MACROD2: variants seen among roughly 807,000 people sequenced by gnomAD.
MACROD2 encodes ADP-ribose glycohydrolase MACROD2.
A neutral mutation model predicts 70.4 loss-of-function variants in MACROD2; 36 were observed. That is an observed-to-expected ratio of 0.51 (90% CI 0.39 to 0.68). The LOEUF is 0.68. Ranked by LOEUF, MACROD2 falls within the 30% of genes least tolerant of loss-of-function variation. MACROD2 has a pLI of 0.00. For synonymous variants in MACROD2, 172 were observed against 178.8 expected (o/e 0.96, Z 0.30); for missense variants, 496 against 538.4 (o/e 0.92, Z 0.78).
At chr20:14,088,945 A>C (rs1601208362) in intron 3 of MACROD2, among the ~76,000 whole-genome samples, 2 of 152,348 alleles carry the variant, frequency 1.3e-5, no homozygotes, top group Non-Finnish European at 2.9e-5. Context: ...GTAATTATTG[A>C]AATAAATGGT....
rs188519869 is a variant in MACROD2 at position 15,246,485 on chromosome 20, T to C, written c.540+16424T>C. On this transcript the variant is annotated intron_variant, in intron 6 of 17. Coordinates refer to ENST00000684519, the MANE Select transcript of MACROD2 (RefSeq NM_001351661.2). Reference sequence around the variant, plus strand: ...TTTGAGTTTTGGCCTTTCTAATTAATTGCTGTGTAAGCCCATCTTTTTATT... The same window carrying C: ...TTTGAGTTTTGGCCTTTCTAATTAACTGCTGTGTAAGCCCATCTTTTTATT... Among the ~76,000 whole-genome samples the C allele has an allele frequency of 4.2e-3, 647 of 152,342 alleles. 3 individuals carry two copies. The highest frequency in any genetic ancestry group is 0.028 in the South Asian group (137 of 4,828).
At chr20:14,368,838 A>G (rs2083297178) in intron 3 of MACROD2, among the ~76,000 whole-genome samples, 1 of 152,232 alleles carries the variant, frequency 6.6e-6, no homozygotes, top group Non-Finnish European at 1.5e-5. Flanking sequence ...TTAAAAATCA[A>G]GAAAAACAAA....
At position 15,320,797 on chromosome 20, in the gene MACROD2, T is replaced by G. The variant is rs546074850; in HGVS notation, c.540+90736T>G. Among the ~76,000 whole-genome samples the G allele has an allele frequency of 9.2e-4, 140 of 152,164 alleles. 1 individual carries two copies. Among genetic ancestry groups the G allele is most frequent in the Non-Finnish European group, 1.8e-3 (123 of 67,994 alleles). ...AGCAAGCAGAGAAAGACATGGTAGATCTCTTATGGAAAGTTGTTATGAGAT... is the reference window on the plus strand; with the variant it reads ...AGCAAGCAGAGAAAGACATGGTAGAGCTCTTATGGAAAGTTGTTATGAGAT... On this transcript the variant is annotated intron_variant, in intron 6 of 17. Transcript: ENST00000684519.
At chr20:15,592,428 T>C (rs2048692461) in intron 8 of MACROD2, among the ~76,000 whole-genome samples, 1 of 152,206 alleles carries the variant, frequency 6.6e-6, no homozygotes, top group African/African-American at 2.4e-5. Context: ...GTTTGCCCCT[T>C]AGTCTGAAAT....
intron 4 of MACROD2, among the ~76,000 whole-genome samples, chr20:14,574,273 T>G (rs927631400): frequency 2.0e-5 from 3 of 152,176 alleles, no homozygotes; most frequent in African/African-American, 7.2e-5. Context: ...CTTGAATTTT[T>G]CCATCGTCTT....
intron 5 of MACROD2, among the ~76,000 whole-genome samples, chr20:14,826,143 A>G (rs760918993): frequency 3.3e-5 from 5 of 152,086 alleles, no homozygotes; most frequent in Admixed American, 6.6e-5. Context: ...GGAGAAATTC[A>G]TTGAATATAT....
intron 3 of MACROD2, among the ~76,000 whole-genome samples, chr20:14,260,756 A>T (rs907981335): frequency 6.6e-6 from 1 of 152,258 alleles, no homozygotes; most frequent in Admixed American, 6.5e-5. Flanking sequence ...AAAACATTTT[A>T]ATAATCCCTA....
At chr20:15,955,980 A>C (rs920175325) in intron 12 of MACROD2, among the ~76,000 whole-genome samples, 13 of 152,182 alleles carry the variant, frequency 8.5e-5, no homozygotes, top group Middle Eastern at 3.2e-3. Context: ...GGAAAAAAAA[A>C]CTAAAAATAA....
chr20:15,041,918 TAA>T, intron 5 of MACROD2, among the ~76,000 whole-genome samples: 2 of 152,184 alleles, frequency 1.3e-5, no homozygotes, highest in East Asian at 3.9e-4. Context: ...TAGGCTGAAA[TAA>T]GTCATCAAAA....
intron 1 of MACROD2, among the ~76,000 whole-genome samples, chr20:13,997,258 C>T (rs2052675651): frequency 6.6e-6 from 1 of 152,040 alleles, no homozygotes; most frequent in Non-Finnish European, 1.5e-5. Context: ...GAGTAATAGC[C>T]TGATAGATAA....
chr20:15,417,613 AAAAGAAAG>A (rs1188343531), intron 6 of MACROD2, among the ~76,000 whole-genome samples: 4 of 134,918 alleles, frequency 3.0e-5, no homozygotes, highest in Non-Finnish European at 4.7e-5. Flanking sequence ...AAAAAAAAAA[AAAAGAAAG>A]AAAGAAAGAA....
At chr20:14,946,492 A>T (rs2074433454) in intron 5 of MACROD2, among the ~76,000 whole-genome samples, 1 of 152,148 alleles carries the variant, frequency 6.6e-6, no homozygotes, top group African/African-American at 2.4e-5. Context: ...AAAAGTAAAT[A>T]TAGATATATA....
intron 6 of MACROD2, among the ~76,000 whole-genome samples, chr20:15,270,819 G>T (rs1404965393): frequency 2.6e-5 from 4 of 151,982 alleles, no homozygotes; most frequent in Non-Finnish European, 4.4e-5. Context: ...TCCTGATATG[G>T]AAAACTCCTT....
intron 5 of MACROD2, among the ~76,000 whole-genome samples, chr20:15,091,873 C>T (rs536688239): frequency 6.6e-6 from 1 of 152,174 alleles, no homozygotes; most frequent in South Asian, 2.1e-4. Context: ...ATACACAGTG[C>T]TTTATTAAGT....
chr20:14,562,666 A>T (rs1979516643), intron 4 of MACROD2, among the ~76,000 whole-genome samples: 1 of 151,834 alleles, frequency 6.6e-6, no homozygotes, highest in African/African-American at 2.4e-5. Context: ...TGGAAATAAG[A>T]AGTGAGATTT....
chr20:14,220,241 C>T (rs184749424), intron 3 of MACROD2, among the ~76,000 whole-genome samples: 15 of 152,102 alleles, frequency 9.9e-5, no homozygotes, highest in Non-Finnish European at 4.4e-5. Context: ...ATTCCCAGGT[C>T]AGGGGAGTTG....
intron 3 of MACROD2, among the ~76,000 whole-genome samples, chr20:14,405,391 T>C (rs536205774): frequency 1.3e-5 from 2 of 152,314 alleles, no homozygotes; most frequent in East Asian, 3.9e-4. Context: ...TTTTCTTCTT[T>C]AGTGAAATAA....
chr20:15,022,147 G>T (rs138141261), intron 5 of MACROD2, among the ~76,000 whole-genome samples: 31 of 152,264 alleles, frequency 2.0e-4, no homozygotes, highest in African/African-American at 7.2e-4. Flanking sequence ...TATTAGTAAA[G>T]AATTACCTTG....
rs137866296 is a variant in MACROD2, at chr20:15,151,498, G to C, written c.419-78442G>C. ...GAGGTTAATTAAGTCTGGTTGTGGG[G>C]TTTGAGGGCCGGAATTTAATTTTTG... On this transcript the variant is annotated intron_variant, in intron 5 of 17. Coordinates refer to ENST00000684519, the MANE Select transcript of MACROD2 (RefSeq NM_001351661.2). Among the ~76,000 whole-genome samples the C allele has an allele frequency of 9.5e-3, 1,442 of 152,182 alleles. 26 individuals carry two copies. The highest frequency in any genetic ancestry group is 0.02 in the Middle Eastern group (6 of 294).
Sources: allele counts gnomAD v4.1 joint callset (sites outside exome capture counted in the v4.1 genomes callset), GRCh38; gene constraint gnomAD v4.1.1; transcripts MANE v1.5; gene names NCBI Gene and HGNC (gene_info 2026-07-23, HGNC 2026-07-21).